FOXJ3: variants seen among roughly 807,000 people sequenced by gnomAD.
FOXJ3 encodes forkhead box protein J3.
Under a neutral mutation model 76.1 loss-of-function variants are expected in FOXJ3, and 22 were observed. The observed-to-expected ratio is 0.29, with a 90% CI of 0.21 to 0.41. The LOEUF (loss-of-function observed/expected upper bound fraction) is 0.41. FOXJ3 is among the 10% of genes least tolerant of loss of function. The pLI is 1.00. For missense variants in FOXJ3, 613 were observed against 762.1 expected, an observed-to-expected ratio of 0.80 and a Z score of 2.30; for synonymous variants, 269 against 261.2, an observed-to-expected ratio of 1.03 and a Z score of -0.29.
Position 42,178,848 on chromosome 1 carries a change from C to A in FOXJ3, c.*862G>T, listed in dbSNP as rs1427212890. The A allele has an allele frequency of 6.6e-6, 1 of 152,608 alleles. No homozygotes were observed. Among genetic ancestry groups the A allele is most frequent in the Non-Finnish European group, 1.5e-5 (1 of 68,008 alleles). 9.5% of individuals were successfully genotyped at this position (152,608 alleles called of 1,614,324 possible). Reference sequence around the variant, plus strand: ...ACACATTTCTCCTTAATGAACCCGACAGGAGCTAAGCATTCACAGAAGGTA... The same window carrying A: ...ACACATTTCTCCTTAATGAACCCGAAAGGAGCTAAGCATTCACAGAAGGTA... On this transcript the variant is annotated 3_prime_UTR_variant, in exon 13 of 13. Coordinates refer to ENST00000361346, the MANE Select transcript of FOXJ3 (RefSeq NM_014947.5).
chr1:42,193,141 G>A (rs1646582620), intron 8 of FOXJ3, among the ~76,000 whole-genome samples: 1 of 151,926 alleles, frequency 6.6e-6, no homozygotes, highest in Admixed American at 6.6e-5. Context: ...AAACTGATAA[G>A]TATAATATAG....
At position 42,266,095 on chromosome 1, in the gene FOXJ3, G is replaced by A. The variant is rs186074511; in HGVS notation, c.370-906C>T. ...TCCAACTGCATTTAGCCATTACTTA[G>A]AATGGTACCTTCTGGGATCATATTT... On this transcript the variant is annotated intron_variant, in intron 3 of 12. Transcript: ENST00000361346. Among the ~76,000 whole-genome samples, 4 of 152,260 alleles carry A rather than the reference G, an allele frequency of 2.6e-5. No individual in the cohort carries two copies. The East Asian group carries it at 7.7e-4, about 29-fold the overall frequency.
At chr1:42,287,541 G>T (rs1356716471) in intron 2 of FOXJ3, among the ~76,000 whole-genome samples, 1 of 152,210 alleles carries the variant, frequency 6.6e-6, no homozygotes, top group East Asian at 1.9e-4. Flanking sequence ...CTTCTCACAA[G>T]ATCTGTTTTA....
rs1457608336 is a variant in FOXJ3 at position 42,260,903 on chromosome 1, G to A, written c.444+4212C>T. ...CAGGATAGTCAGGTGGCCTTCATGTGGTTTTAAACTTCTTAGCTATTTTCT... is the reference window on the plus strand; with the variant it reads ...CAGGATAGTCAGGTGGCCTTCATGTAGTTTTAAACTTCTTAGCTATTTTCT... On this transcript the variant is annotated intron_variant, in intron 4 of 12. Transcript: ENST00000361346. Among the ~76,000 whole-genome samples the A allele has an allele frequency of 3.3e-5, 5 of 152,060 alleles. No individual in the cohort carries two copies. In the South Asian group the frequency reaches 1.0e-3, roughly 32 times the overall value.
At chr1:42,204,229 C>A (rs1211775331) in intron 6 of FOXJ3, among the ~76,000 whole-genome samples, 4 of 152,048 alleles carry the variant, frequency 2.6e-5, no homozygotes, top group Non-Finnish European at 5.9e-5. Flanking sequence ...GGGCTCCTGA[C>A]CCCTGAAGCC....
intron 4 of FOXJ3, among the ~76,000 whole-genome samples, chr1:42,244,443 GGA>G (rs1401036724): frequency 1.3e-5 from 2 of 152,254 alleles, no homozygotes; most frequent in Non-Finnish European, 2.9e-5. Context: ...TGTTAGTCCT[GGA>G]GTTCATGGCT....
At chr1:42,181,056 C>T (rs1646308024) in intron 12 of FOXJ3, among the ~76,000 whole-genome samples, 1 of 152,244 alleles carries the variant, frequency 6.6e-6, no homozygotes, top group South Asian at 2.1e-4. Context: ...GTCTGCCACA[C>T]AGTTCTTCAA....
chr1:42,197,667 T>G (rs1057498260), intron 7 of FOXJ3, among the ~76,000 whole-genome samples: 3 of 151,338 alleles, frequency 2.0e-5, no homozygotes, highest in African/African-American at 4.8e-5. Context: ...TATATTTTTT[T>G]CTTTAAAAAA....
At position 42,179,626 on chromosome 1, in the gene FOXJ3, T is replaced by C. The variant is rs1186159561; in HGVS notation, c.*84A>G. The C allele has an allele frequency of 1.2e-6, 1 of 810,748 alleles. No individual in the cohort carries two copies. Among genetic ancestry groups the C allele is most frequent in the Admixed American group, 2.2e-5 (1 of 46,436 alleles). 50.2% of individuals were successfully genotyped at this position (810,748 alleles called of 1,614,324 possible). A position where few individuals can be genotyped will look rare whatever the true frequency, so the allele number is the denominator to read the frequency against. ...ATTGGTAAAGTGATTAGCAAGTTTG[T>C]TTTCTCAACTGGATTCTCTTAAACC... On this transcript the variant is annotated 3_prime_UTR_variant, in exon 13 of 13. Transcript: ENST00000361346.
chr1:42,225,253 T>C (rs1311120155), intron 5 of FOXJ3, among the ~76,000 whole-genome samples: 1 of 152,206 alleles, frequency 6.6e-6, no homozygotes, highest in Non-Finnish European at 1.5e-5. Flanking sequence ...GGGTATCAAT[T>C]TATTTACCAT....
intron 3 of FOXJ3, among the ~76,000 whole-genome samples, chr1:42,277,372 A>G (rs1286891208): frequency 6.6e-6 from 1 of 152,072 alleles, no homozygotes; most frequent in African/African-American, 2.4e-5. Context: ...TAAAAAAAAA[A>G]AAAATCTTGG....
intron 5 of FOXJ3, among the ~76,000 whole-genome samples, chr1:42,209,379 T>C (rs1379017702): frequency 6.6e-6 from 1 of 152,232 alleles, no homozygotes; most frequent in African/African-American, 2.4e-5. Context: ...TAGAGATTCA[T>C]GCTGTGAACT....
chr1:42,298,058 T>A (rs1038074972), intron 2 of FOXJ3, among the ~76,000 whole-genome samples: 4 of 152,140 alleles, frequency 2.6e-5, no homozygotes, highest in Non-Finnish European at 5.9e-5. Context: ...TGGGGGCAGT[T>A]ACCCTCATAC....
chr1:42,291,065 G>GAT (rs1653389529), intron 2 of FOXJ3, among the ~76,000 whole-genome samples: 1 of 146,424 alleles, frequency 6.8e-6, no homozygotes. Context: ...TAGATAGATA[G>GAT]ATAGATAGAT....
chr1:42,182,752 C>T (rs943029766), intron 11 of FOXJ3, among the ~76,000 whole-genome samples: 67 of 152,210 alleles, frequency 4.4e-4, no homozygotes, highest in Non-Finnish European at 2.2e-4. Context: ...CCTGTCTCAG[C>T]CTCCCAAAGT....
chr1:42,279,005 A>G (rs544862780), intron 2 of FOXJ3, among the ~76,000 whole-genome samples: 1 of 152,118 alleles, frequency 6.6e-6, no homozygotes, highest in South Asian at 2.1e-4. Flanking sequence ...GGTAAGAAAA[A>G]CCCAGCTGCA....
chr1:42,299,511 G>T (rs1044495017), intron 2 of FOXJ3, among the ~76,000 whole-genome samples: 7 of 149,658 alleles, frequency 4.7e-5, no homozygotes, highest in Non-Finnish European at 1.0e-4. Flanking sequence ...TGTGTGGGGG[G>T]GTCTCTTGCT....
rs149074108 is a variant in FOXJ3, at chr1:42,190,992, T to C, written c.1351+311A>G. Among the ~76,000 whole-genome samples, 1,410 of 152,182 alleles carry C rather than the reference T, an allele frequency of 9.3e-3. 20 individuals carry two copies. The highest frequency in any genetic ancestry group is 0.032 in the African/African-American group (1,344 of 41,506). On this transcript the variant is annotated intron_variant, in intron 9 of 12. Coordinates refer to ENST00000361346, the MANE Select transcript of FOXJ3 (RefSeq NM_014947.5). ...ACTTAAAATTCTTTTAGTTGCACTTTTCCTATATATAAAATGTGGTCATCT... is the reference window on the plus strand; with the variant it reads ...ACTTAAAATTCTTTTAGTTGCACTTCTCCTATATATAAAATGTGGTCATCT...
intron 1 of FOXJ3, among the ~76,000 whole-genome samples, chr1:42,328,380 G>A (rs974200559): frequency 9.2e-5 from 14 of 152,164 alleles, no homozygotes; most frequent in Non-Finnish European, 2.9e-5. Context: ...CTAAGTCTGT[G>A]TTCTAAAAAC....
Sources: allele counts gnomAD v4.1 joint callset (sites outside exome capture counted in the v4.1 genomes callset), GRCh38; gene constraint gnomAD v4.1.1; transcripts MANE v1.5; gene names NCBI Gene and HGNC (gene_info 2026-07-23, HGNC 2026-07-21).